The following PRDX5 variants were observed in gnomAD, a reference collection of about 807,000 sequenced individuals.
PRDX5 encodes peroxiredoxin 5.
In PRDX5, 21 loss-of-function variants were observed where a neutral mutation model predicts 23.8. The ratio of observed to expected loss-of-function variants is 0.88; its 90% confidence interval spans 0.63 to 1.27. PRDX5 has a LOEUF of 1.27. Ranked by LOEUF, PRDX5 falls within the 50% of genes most tolerant of loss-of-function variation. The pLI is 0.00. For missense variants in PRDX5, 261 were observed against 270.6 expected (o/e 0.96, Z 0.25); for synonymous variants, 111 against 113.3 (o/e 0.98, Z 0.13).
At position 64,321,584 on chromosome 11, in the gene PRDX5, AG is replaced by A; in HGVS notation, c.540del. 1 of 1,612,312 alleles carries A rather than the reference AG, an allele frequency of 6.2e-7. No individual in the cohort carries two copies. The highest frequency in any genetic ancestry group is 2.2e-5 in the East Asian group (1 of 44,832). ...AGCTGGCTGGGCCCCTCTTTCCGGC[AG>A]GTTCTCCATGGTGGTACAGGATGGC... is the stretch of plus-strand genomic sequence containing the variant. On this transcript the variant is annotated splice_acceptor_variant, in intron 5 of 5. Transcript: ENST00000265462. LOFTEE classifies it high-confidence loss of function.
intron 5 of PRDX5, among the ~76,000 whole-genome samples, 183 bp downstream of exon 5, chr11:64,321,251 C>G (rs2035491686): frequency 1.4e-5 from 2 of 146,010 alleles, no homozygotes; most frequent in South Asian, 2.2e-4. Context: ...AGAGAGTCCT[C>G]TGTGGGGGAG....
chr11:64,321,285 C>G (rs1435430253), intron 5 of PRDX5, among the ~76,000 whole-genome samples: 1 of 142,914 alleles, frequency 7.0e-6, no homozygotes, highest in Non-Finnish European at 1.5e-5. Context: ...GGAGAGTCCT[C>G]TGTGGGGAGA....
chr11:64,321,754 G>C lies in PRDX5; in HGVS notation c.*63G>C, dbSNP rs1326241894. ...CTCACCTGCCCAGCCCTGTGCTGGG[G>C]CCCTGCAATTGGAATGTTGGCCAGA... On this transcript the variant is annotated 3_prime_UTR_variant, in exon 6 of 6. Transcript: ENST00000265462. The C allele has an allele frequency of 6.8e-7, 1 of 1,478,034 alleles. No individual in the cohort carries two copies. Among genetic ancestry groups the C allele is most frequent in the Non-Finnish European group, 9.0e-7 (1 of 1,106,562 alleles). The allele number at this position is 1,478,034 out of a possible 1,614,324, so 91.6% of individuals were successfully genotyped here. A position where few individuals can be genotyped will look rare whatever the true frequency, so the allele number is the denominator to read the frequency against.
At position 64,318,387 on chromosome 11, in the gene PRDX5, G is replaced by A. The variant is rs779282514; in HGVS notation, c.171+1G>A. On this transcript the variant is annotated splice_donor_variant, in intron 1 of 5. Coordinates refer to ENST00000265462, the MANE Select transcript of PRDX5 (RefSeq NM_012094.5). LOFTEE classifies it high-confidence loss of function. ...CGCTGCAGCCATGGCCCCAATCAAG[G>A]TGACCGCTGGCCCGGCCGGGCCTGA... The A allele has an allele frequency of 1.9e-6, 3 of 1,603,956 alleles. No homozygotes were observed. Among genetic ancestry groups the A allele is most frequent in the African/African-American group, 1.3e-5 (1 of 74,744 alleles).
In PRDX5 at chr11:64,319,833, G is replaced by C; in HGVS notation, c.271G>C (p.Gly91Arg). Reference protein sequence around the residue: ...LFKGKKGVLFGVPGAFTPGCS... With the variant: ...LFKGKKGVLFRVPGAFTPGCS... ...CAAGGGCAAGAAGGGTGTGCTGTTT[G>C]GAGTTCCTGGGGCCTTCACCCCTGG... Residue 91 changes from glycine (G) to arginine (R), a missense_variant, in exon 2 of 6, where the codon GGA (glycine) becomes CGA (arginine). Coordinates refer to ENST00000265462, the MANE Select transcript of PRDX5 (RefSeq NM_012094.5). 1 of 1,614,146 alleles carries C rather than the reference G, an allele frequency of 6.2e-7. No homozygotes were observed. Among genetic ancestry groups the C allele is most frequent in the Non-Finnish European group, 8.5e-7 (1 of 1,180,002 alleles).
chr11:64,318,333 T>A lies in PRDX5; in HGVS notation c.118T>A (p.Ser40Thr), dbSNP rs1481087825. 2 of 1,612,258 alleles carry A rather than the reference T, an allele frequency of 1.2e-6. No individual in the cohort carries two copies. Among genetic ancestry groups the A allele is most frequent in the African/African-American group, 2.7e-5 (2 of 74,876 alleles). ...ARRYSEGEWA[S>T]GGVRSFSRAA... ...ACGGTACAGTGAAGGAGAGTGGGCG[T>A]CTGGCGGGGTCCGCAGTTTCAGCAG... The change falls in exon 1 of 6, where the codon TCT becomes ACT. Residue 40 changes from serine (S) to threonine (T), a missense_variant. Transcript: ENST00000265462.
At chr11:64,321,319 G>C (rs1213902026) in intron 5 of PRDX5, among the ~76,000 whole-genome samples, 1 of 147,342 alleles carries the variant, frequency 6.8e-6, no homozygotes, top group African/African-American at 2.5e-5. Flanking sequence ...AGAGAGTCCT[G>C]TGTGGGAGAG....
At position 64,320,780 on chromosome 11, in the gene PRDX5, G is replaced by T. The variant is rs142314160; in HGVS notation, c.426G>T (p.Lys142Asn). 4,798 of 1,614,212 alleles carry T rather than the reference G, an allele frequency of 3.0e-3. 20 individuals carry two copies. The highest frequency in any genetic ancestry group is 0.01 in the Middle Eastern group (63 of 6,060). The part of the protein sequence containing the change: ...FVTGEWGRAH[K>N]AEGKVRLLAD... The stretch of plus-strand genomic sequence containing the variant: ...CTGGCGAGTGGGGCCGAGCCCACAA[G>T]GCGGAAGGCAAGGTGAGGTGAGGGG... The change falls in exon 3 of 6, where the codon AAG (lysine) becomes AAT (asparagine). Residue 142 changes from lysine to asparagine, a missense_variant. Coordinates refer to ENST00000265462, the MANE Select transcript of PRDX5 (RefSeq NM_012094.5).
rs1422512551 is a variant in PRDX5 at position 64,320,776 on chromosome 11, A to G, written c.422A>G (p.His141Arg). ...AFVTGEWGRA[H>R]KAEGKVRLLA... ...GTGACTGGCGAGTGGGGCCGAGCCC[A>G]CAAGGCGGAAGGCAAGGTGAGGTGA... The change falls in exon 3 of 6, where the codon CAC becomes CGC. Residue 141 changes from histidine to arginine, a missense_variant. By Grantham distance (29) the His-to-Arg change is conservative (BLOSUM62 0). Coordinates refer to ENST00000265462, the MANE Select transcript of PRDX5 (RefSeq NM_012094.5). 12 of 1,614,040 alleles carry G rather than the reference A, an allele frequency of 7.4e-6. No homozygotes were observed. Among genetic ancestry groups the G allele is most frequent in the Non-Finnish European group, 9.3e-6 (11 of 1,180,000 alleles).
At position 64,318,209 on chromosome 11, in the gene PRDX5, G is replaced by A. The variant is rs201329476; in HGVS notation, c.-7G>A. On this transcript the variant is annotated 5_prime_UTR_variant, in exon 1 of 6. Coordinates refer to ENST00000265462, the MANE Select transcript of PRDX5 (RefSeq NM_012094.5). ...GGAGGCGGAGTGGAAGTGGCCGTGG[G>A]GCGGGTATGGGACTAGCTGGCGTGT... The A allele has an allele frequency of 6.2e-7, 1 of 1,611,322 alleles. No individual in the cohort carries two copies. The highest frequency in any genetic ancestry group is 8.5e-7 in the Non-Finnish European group (1 of 1,179,608).
chr11:64,320,857 C>T lies in PRDX5; in HGVS notation c.439-8C>T, dbSNP rs777115067. ...ATATTCTTCTTGTGACCTTTACTTT[C>T]TCTGCAGGTTCGGCTCCTGGCTGAT... On this transcript the variant is annotated splice_polypyrimidine_tract_variant and splice_region_variant and intron_variant, in intron 3 of 5. Transcript: ENST00000265462. The T allele has an allele frequency of 6.8e-6, 11 of 1,614,226 alleles. No individual in the cohort carries two copies. Among genetic ancestry groups the T allele is most frequent in the Non-Finnish European group, 9.3e-6 (11 of 1,180,038 alleles).
At position 64,321,677 on chromosome 11, in the gene PRDX5, A is replaced by T. The variant is rs1310414554; in HGVS notation, c.631A>T (p.Ile211Phe). ...CACCTGCAGCCTGGCACCCAATATC[A>T]TCTCACAGCTCTGAGGCCCTGGGCC... is the stretch of plus-strand genomic sequence containing the variant. The part of the protein sequence containing the change: ...GLTCSLAPNI[I>F]SQL The change falls in exon 6 of 6, where the codon ATC (isoleucine) becomes TTC (phenylalanine). Residue 211 changes from isoleucine (I) to phenylalanine (F), a missense_variant. Ile to Phe is a conservative substitution (Grantham distance 21). Coordinates refer to ENST00000265462, the MANE Select transcript of PRDX5 (RefSeq NM_012094.5). The T allele has an allele frequency of 2.5e-6, 4 of 1,586,058 alleles. No homozygotes were observed. The South Asian group carries it at 4.5e-5, about 18-fold the overall frequency.
intron 1 of PRDX5, among the ~76,000 whole-genome samples, chr11:64,318,837 A>ACCCCCCCCCCCCCCCCCCCCCCCCCCCCC (rs374862180): frequency 1.3e-5 from 1 of 77,416 alleles, no homozygotes; most frequent in Admixed American, 1.3e-4. Flanking sequence ...CCTCAGGTGA[A>ACCCCCCCCCCCCCCCCCCCCCCCCCCCCC]CCCCCCCCGC....
chr11:64,319,708 C>G lies in PRDX5; in HGVS notation c.172-26C>G, dbSNP rs767401442. 22 of 1,608,768 alleles carry G rather than the reference C, an allele frequency of 1.4e-5. 1 individual carries two copies. The South Asian group carries it at 1.7e-4, about 12-fold the overall frequency. On this transcript the variant is annotated intron_variant, in intron 1 of 5. Transcript: ENST00000265462. ...TGGTTTGCCCCGGCTCCCTCACCCC[C>G]CTTACCCTGGAGTCCTTCCTTCTAG...
In PRDX5 at chr11:64,321,063, CAA is replaced by C. The variant is rs1194274314; in HGVS notation, c.535_536del (p.Lys179GlufsTer?). ...LVSIFGNRRL[K>X]RFSMVVQDGI... is the part of the protein sequence containing the mutation. The stretch of plus-strand genomic sequence containing the variant: ...TGTCCATCTTTGGGAATCGACGTCT[CAA>C]GAGGTAAAAGTGGAGAGTCCTCTGT... On this transcript the variant is annotated frameshift_variant, in exon 5 of 6. Coordinates refer to ENST00000265462, the MANE Select transcript of PRDX5 (RefSeq NM_012094.5). LOFTEE classifies it high-confidence loss of function. The C allele has an allele frequency of 3.1e-6, 5 of 1,613,402 alleles. No homozygotes were observed. The highest frequency in any genetic ancestry group is 2.2e-5 in the South Asian group (2 of 91,066).
chr11:64,318,156 G>GC lies in PRDX5; in HGVS notation c.-56dup. The GC allele has an allele frequency of 6.2e-7, 1 of 1,601,658 alleles. No individual in the cohort carries two copies. Among genetic ancestry groups the GC allele is most frequent in the South Asian group, 1.1e-5 (1 of 90,120 alleles). On this transcript the variant is annotated 5_prime_UTR_variant, in exon 1 of 6. Coordinates refer to ENST00000265462, the MANE Select transcript of PRDX5 (RefSeq NM_012094.5). ...GTGTCGCCGCTGTGCCGCTAGCGGT[G>GC]CCCCGCCTGCTGCGGTGGCACCAGC...
Position 64,320,751 on chromosome 11 carries a change from G to A in PRDX5, c.397G>A (p.Val133Met), listed in dbSNP as rs1015745913. The change falls in exon 3 of 6, where the codon GTG (valine) becomes ATG (methionine). Residue 133 changes from valine to methionine, a missense_variant. By Grantham distance (21) the Val-to-Met change is conservative (BLOSUM62 1). Coordinates refer to ENST00000265462, the MANE Select transcript of PRDX5 (RefSeq NM_012094.5). ...VACLSVNDAF[V>M]TGEWGRAHKA... ...CTGTCTGAGTGTTAATGATGCCTTT[G>A]TGACTGGCGAGTGGGGCCGAGCCCA... 1 of 1,614,176 alleles carries A rather than the reference G, an allele frequency of 6.2e-7. No homozygotes were observed. Among genetic ancestry groups the A allele is most frequent in the Admixed American group, 1.7e-5 (1 of 60,030 alleles).
chr11:64,321,503 GC>G, intron 5 of PRDX5, 82 bp from the exon 6 acceptor site: 3 of 1,559,928 alleles, frequency 1.9e-6, no homozygotes, highest in Non-Finnish European at 2.6e-6. Context: ...GTTCTCTTGG[GC>G]CCCTGGCTGT....
chr11:64,319,703 A>AC lies in PRDX5; in HGVS notation c.172-25dup, dbSNP rs755503300. ...GCCTCTGGTTTGCCCCGGCTCCCTC[A>AC]CCCCCCTTACCCTGGAGTCCTTCCT... On this transcript the variant is annotated intron_variant, in intron 1 of 5. Transcript: ENST00000265462. 5 of 1,597,832 alleles carry AC rather than the reference A, an allele frequency of 3.1e-6. No homozygotes were observed. The South Asian group carries it at 4.4e-5, about 14-fold the overall frequency.
Sources: gnomAD v4.1 joint callset for allele counts (sites outside exome capture counted in the v4.1 genomes callset) on GRCh38, gnomAD v4.1.1 for gene constraint, MANE v1.5 for transcripts, NCBI Gene and HGNC (gene_info 2026-07-23, HGNC 2026-07-21) for gene names.